RBFOX1: variants seen among roughly 807,000 people sequenced by gnomAD.
RBFOX1 encodes the protein RNA binding fox-1 homolog 1, also known as RNA binding protein fox-1 homolog 1.
A neutral mutation model predicts 57.7 loss-of-function variants in RBFOX1; 8 were observed. The observed-to-expected ratio is 0.14, with a 90% confidence interval of 0.08 to 0.25. RBFOX1 has a LOEUF of 0.25. Ranked by LOEUF, RBFOX1 falls within the 10% of genes least tolerant of loss-of-function variation. The pLI is 1.00. For missense variants in RBFOX1, 611 were observed against 548.5 expected, an observed-to-expected ratio of 1.11 and a Z score of -1.14; for synonymous variants, 326 against 222.4, an observed-to-expected ratio of 1.47 and a Z score of -4.15.
chr16:6,960,011 C>T (rs1372927912), intron 3 of RBFOX1, among the ~76,000 whole-genome samples: 4 of 152,118 alleles, frequency 2.6e-5, no homozygotes, highest in African/African-American at 9.7e-5. Context: ...AAAAACCCCC[C>T]AAGAGTTTTG....
At chr16:6,673,590 C>T (rs1018951707) in intron 3 of RBFOX1, among the ~76,000 whole-genome samples, 2 of 151,974 alleles carry the variant, frequency 1.3e-5, no homozygotes, top group African/African-American at 2.4e-5. Context: ...GGAGACAGAG[C>T]GAGACTCCAT....
At chr16:7,496,553 A>G (rs2068697999) in intron 4 of RBFOX1, among the ~76,000 whole-genome samples, 1 of 152,020 alleles carries the variant, frequency 6.6e-6, no homozygotes, top group Admixed American at 6.6e-5. Flanking sequence ...GAGTTTAATC[A>G]TCATCATCAT....
At chr16:7,410,366 G>A (rs1434503309) in intron 4 of RBFOX1, among the ~76,000 whole-genome samples, 1 of 152,164 alleles carries the variant, frequency 6.6e-6, no homozygotes, top group African/African-American at 2.4e-5. Flanking sequence ...GGCAAAACTG[G>A]GATTAAAACC....
chr16:6,789,060 C>T (rs749749789), intron 3 of RBFOX1, among the ~76,000 whole-genome samples: 1 of 151,960 alleles, frequency 6.6e-6, no homozygotes, highest in Non-Finnish European at 1.5e-5. Context: ...ATGGATGTCG[C>T]GAAATTGCCT....
At chr16:7,406,975 G>A (rs2098353553) in intron 4 of RBFOX1, among the ~76,000 whole-genome samples, 1 of 152,238 alleles carries the variant, frequency 6.6e-6, no homozygotes, top group African/African-American at 2.4e-5. Context: ...GCGTTTGTAT[G>A]TCCTGTGATC....
chr16:7,005,054 G>C (rs928308611), intron 3 of RBFOX1, among the ~76,000 whole-genome samples: 2 of 152,158 alleles, frequency 1.3e-5, no homozygotes, highest in African/African-American at 2.4e-5. Context: ...TGAGGCAGGA[G>C]CATTCCTTGA....
Position 5,733,455 on chromosome 16 carries a change from T to C in RBFOX1, c.319-133848T>C, listed in dbSNP as rs183213657. Among the ~76,000 whole-genome samples the C allele has an allele frequency of 3.9e-4, 60 of 152,266 alleles. No homozygotes were observed. In the Middle Eastern group the frequency reaches 0.02, roughly 52 times the overall value. Reference sequence around the variant, plus strand: ...TGGCGCTCTTGTCTCTGGCCTTAGATTGTCCTCCCGAGCAGCAGTGCTGTC... The same window carrying C: ...TGGCGCTCTTGTCTCTGGCCTTAGACTGTCCTCCCGAGCAGCAGTGCTGTC... On this transcript the variant is annotated intron_variant, in intron 3 of 19. Coordinates refer to the RBFOX1 transcript ENST00000641259.
intron 2 of RBFOX1, among the ~76,000 whole-genome samples, chr16:6,319,626 G>C (rs1424929205): frequency 6.6e-6 from 1 of 152,162 alleles, no homozygotes; most frequent in African/African-American, 2.4e-5. Context: ...CTTCTACTTT[G>C]ACAGGTCTAG....
chr16:5,736,561 G>A (rs921462393), intron 3 of RBFOX1, among the ~76,000 whole-genome samples: 6 of 152,122 alleles, frequency 3.9e-5, no homozygotes, highest in South Asian at 2.1e-4. Context: ...GGCCCGGATC[G>A]GGGTCATTTG....
intron 1 of RBFOX1, among the ~76,000 whole-genome samples, chr16:5,317,015 C>A (rs551991926): frequency 6.6e-6 from 1 of 152,240 alleles, no homozygotes; most frequent in South Asian, 2.1e-4. Flanking sequence ...TTTCAGAACT[C>A]CAGGTTCTGG....
At chr16:6,495,440 C>G (rs770789187) in intron 2 of RBFOX1, among the ~76,000 whole-genome samples, 10 of 151,398 alleles carry the variant, frequency 6.6e-5, no homozygotes, top group Non-Finnish European at 1.3e-4. Flanking sequence ...AGACAGCCAT[C>G]TATAAGATGA....
rs115991951 is a variant in RBFOX1, at chr16:7,409,110, G to T, written c.28-109037G>T. Among the ~76,000 whole-genome samples, 853 of 152,254 alleles carry T rather than the reference G, an allele frequency of 5.6e-3. 5 individuals carry two copies. The highest frequency in any genetic ancestry group is 0.02 in the African/African-American group (820 of 41,548). ...CCCGATAACCCTGAGCTGCGCTGTC[G>T]CTCTAAGCCAGATCAGCAGAATCCG... On this transcript the variant is annotated intron_variant, in intron 4 of 15. Transcript: ENST00000550418.
intron 4 of RBFOX1, among the ~76,000 whole-genome samples, chr16:7,218,792 C>T (rs1375933283): frequency 6.6e-6 from 1 of 151,494 alleles, no homozygotes; most frequent in Non-Finnish European, 1.5e-5. Context: ...TTCTACTGCA[C>T]GATGCAATCA....
intron 5 of RBFOX1, among the ~76,000 whole-genome samples, chr16:7,567,242 C>CAT (rs1200724827): frequency 1.4e-5 from 1 of 70,926 alleles, no homozygotes; most frequent in Non-Finnish European, 2.7e-5. Flanking sequence ...TATATATATC[C>CAT]ATATATCCCT....
At chr16:6,641,144 A>T (rs987958439) in intron 2 of RBFOX1, among the ~76,000 whole-genome samples, 1 of 152,186 alleles carries the variant, frequency 6.6e-6, no homozygotes, top group Non-Finnish European at 1.5e-5. Flanking sequence ...GAAGGTGCCT[A>T]TCAAAGTGTA....
At chr16:6,013,127 T>C (rs891039657) in intron 4 of RBFOX1, among the ~76,000 whole-genome samples, 1 of 152,222 alleles carries the variant, frequency 6.6e-6, no homozygotes, top group Non-Finnish European at 1.5e-5. Flanking sequence ...TTAAAAATCT[T>C]GTTTAGCTCA....
At chr16:7,493,785 G>A (rs1268908783) in intron 4 of RBFOX1, among the ~76,000 whole-genome samples, 1 of 152,180 alleles carries the variant, frequency 6.6e-6, no homozygotes, top group South Asian at 2.1e-4. Context: ...AGAACTAAAA[G>A]AGAATATGTT....
intron 3 of RBFOX1, among the ~76,000 whole-genome samples, chr16:6,880,405 G>T (rs1048855067): frequency 4.6e-5 from 7 of 152,156 alleles, no homozygotes; most frequent in African/African-American, 1.7e-4. Flanking sequence ...CCTGTTGCAG[G>T]AATGAACATG....
At chr16:6,983,589 A>C (rs1299171655) in intron 3 of RBFOX1, 1 of 152,150 alleles carries the variant, frequency 6.6e-6, no homozygotes, top group Non-Finnish European at 1.5e-5. Flanking sequence ...AGTATCATAA[A>C]AGCATTGGCA....
Sources: allele counts gnomAD v4.1 joint callset (sites outside exome capture counted in the v4.1 genomes callset), GRCh38; gene constraint gnomAD v4.1.1; transcripts MANE v1.5; gene names NCBI Gene and HGNC (gene_info 2026-07-23, HGNC 2026-07-21).